DPP6: variants seen among roughly 807,000 people sequenced by gnomAD.
DPP6 encodes A-type potassium channel modulatory protein DPP6.
Under a neutral mutation model 122.6 loss-of-function variants are expected in DPP6, and 69 were observed. That is an observed-to-expected ratio of 0.56 (90% CI 0.46 to 0.69). DPP6 has a LOEUF of 0.69. Ranked by LOEUF, DPP6 falls within the 30% of genes least tolerant of loss-of-function variation. DPP6 has a pLI of 0.00. For missense variants in DPP6, 928 were observed against 1,116.9 expected (o/e 0.83, Z 2.41); for synonymous variants, 418 against 433.1 (o/e 0.97, Z 0.43).
chr7:154,115,353 C>T (rs1435026791), intron 1 of DPP6, among the ~76,000 whole-genome samples: 8 of 152,234 alleles, frequency 5.3e-5, no homozygotes, highest in Admixed American at 3.3e-4. Flanking sequence ...CAAAGCCAAA[C>T]AAGATGAATT....
intron 8 of DPP6, among the ~76,000 whole-genome samples, chr7:154,758,939 A>G (rs1795330982): frequency 6.6e-6 from 1 of 152,180 alleles, no homozygotes; most frequent in Non-Finnish European, 1.5e-5. Context: ...CTCTATAAGC[A>G]GCAGGTGGGA....
chr7:154,880,971 C>G (rs1197673174), intron 21 of DPP6, 29 bp downstream of exon 21: 4 of 1,612,338 alleles, frequency 2.5e-6, no homozygotes, highest in Admixed American at 1.7e-5. Context: ...GGTCTGAAAA[C>G]CCCTCAGTTC....
At chr7:154,175,251 C>T (rs916772783) in intron 1 of DPP6, among the ~76,000 whole-genome samples, 3 of 152,038 alleles carry the variant, frequency 2.0e-5, no homozygotes, top group Admixed American at 6.6e-5. Context: ...ATTACAGTAC[C>T]TGGCAAAAGA....
intron 1 of DPP6, among the ~76,000 whole-genome samples, chr7:154,187,881 T>TTA (rs1298542328): frequency 6.6e-6 from 1 of 152,114 alleles, no homozygotes; most frequent in Non-Finnish European, 1.5e-5. Flanking sequence ...CCACTCTAAT[T>TTA]AAGTCAGAGA....
the DPP6 span, among the ~76,000 whole-genome samples, chr7:153,750,281 TCTCA>T: frequency 1.3e-5 from 2 of 152,120 alleles, no homozygotes; most frequent in Non-Finnish European, 2.9e-5. Flanking sequence ...TGATCTCTGT[TCTCA>T]CTATGATTTG....
chr7:153,944,096 C>T (rs1309474179), intron 1 of DPP6, among the ~76,000 whole-genome samples: 3 of 152,262 alleles, frequency 2.0e-5, no homozygotes, highest in Middle Eastern at 3.4e-3. Flanking sequence ...AAATCATCCC[C>T]CGAATTATCA....
chr7:154,076,889 G>T (rs1044911716), intron 1 of DPP6, among the ~76,000 whole-genome samples: 2 of 151,498 alleles, frequency 1.3e-5, no homozygotes, highest in Admixed American at 1.3e-4. Flanking sequence ...ACCGAAATAG[G>T]TCTCTAGAGA....
At chr7:154,810,263 T>C (rs1053254336) in intron 16 of DPP6, among the ~76,000 whole-genome samples, 2 of 152,234 alleles carry the variant, frequency 1.3e-5, no homozygotes, top group African/African-American at 4.8e-5. Flanking sequence ...GGAAGCCTTT[T>C]ATGGTTCAGT....
chr7:154,620,542 A>C (rs1346744157), intron 5 of DPP6, among the ~76,000 whole-genome samples: 1 of 152,252 alleles, frequency 6.6e-6, no homozygotes, highest in Non-Finnish European at 1.5e-5. Context: ...TGGGAGGCTC[A>C]GAAATGATCT....
At chr7:153,789,333 G>T in the DPP6 span, among the ~76,000 whole-genome samples, 2 of 152,086 alleles carry the variant, frequency 1.3e-5, no homozygotes, top group Non-Finnish European at 2.9e-5. Context: ...GGATAATAAA[G>T]CTACCTACAT....
At chr7:154,271,447 A>G (rs1803784433) in intron 1 of DPP6, among the ~76,000 whole-genome samples, 1 of 152,216 alleles carries the variant, frequency 6.6e-6, no homozygotes, top group South Asian at 2.1e-4. Flanking sequence ...AGCAAGGACA[A>G]CCAGAACTGC....
intron 1 of DPP6, among the ~76,000 whole-genome samples, chr7:153,955,776 G>A (rs1346502311): frequency 1.3e-4 from 20 of 152,208 alleles, no homozygotes; most frequent in Admixed American, 1.3e-3. Context: ...TTGAAACACA[G>A]AAGATGTTAA....
At chr7:153,763,188 A>G in the DPP6 span, among the ~76,000 whole-genome samples, 1 of 151,918 alleles carries the variant, frequency 6.6e-6, no homozygotes, top group Non-Finnish European at 1.5e-5. Context: ...TTCCTTTCCA[A>G]CTCTCAGTGT....
chr7:154,275,958 A>T (rs1804100725), intron 1 of DPP6, among the ~76,000 whole-genome samples: 1 of 152,226 alleles, frequency 6.6e-6, no homozygotes, highest in Admixed American at 6.5e-5. Flanking sequence ...AAACTTGGGA[A>T]TCAAGGCTCT....
At chr7:153,952,211 T>C (rs1025594045) in intron 1 of DPP6, among the ~76,000 whole-genome samples, 2 of 152,222 alleles carry the variant, frequency 1.3e-5, no homozygotes, top group Non-Finnish European at 2.9e-5. Flanking sequence ...TTTTAACACT[T>C]AGTATATGCT....
chr7:154,695,249 C>G (rs897987299), intron 7 of DPP6, among the ~76,000 whole-genome samples: 1 of 152,106 alleles, frequency 6.6e-6, no homozygotes, highest in Non-Finnish European at 1.5e-5. Context: ...ACCTGGACCA[C>G]AGTGGCAGGG....
chr7:154,709,881 A>G (rs751976829), intron 7 of DPP6, among the ~76,000 whole-genome samples: 5 of 152,220 alleles, frequency 3.3e-5, no homozygotes, highest in Non-Finnish European at 7.3e-5. Flanking sequence ...CTGTTCAGGA[A>G]GGTTGGCCTA....
chr7:154,522,659 T>G (rs1383297858), intron 3 of DPP6, among the ~76,000 whole-genome samples: 1 of 151,958 alleles, frequency 6.6e-6, no homozygotes, highest in Non-Finnish European at 1.5e-5. Context: ...TCTGACAATT[T>G]TTGTGAGGTA....
intron 3 of DPP6, among the ~76,000 whole-genome samples, chr7:154,482,326 A>G (rs1007013657): frequency 2.0e-5 from 3 of 152,180 alleles, no homozygotes; most frequent in African/African-American, 7.2e-5. Context: ...GGGAGAATTT[A>G]GAGAAGCTGA....
Sources: allele counts gnomAD v4.1 joint callset (sites outside exome capture counted in the v4.1 genomes callset), GRCh38; gene constraint gnomAD v4.1.1; transcripts MANE v1.5; gene names NCBI Gene and HGNC (gene_info 2026-07-23, HGNC 2026-07-21).